The following COL7A1 variants were observed in gnomAD, a reference collection of about 807,000 sequenced individuals.
COL7A1 encodes collagen alpha-1(VII) chain.
In COL7A1, 296 loss-of-function variants were observed where a neutral mutation model predicts 456.2. The observed-to-expected ratio is 0.65, with a 90% CI of 0.59 to 0.71. The LOEUF is 0.71. Among genes scored for constraint, COL7A1 ranks in the 30% least tolerant of loss-of-function variants. The pLI is 0.00. For missense variants in COL7A1, 3,441 were observed against 4,017.2 expected, an observed-to-expected ratio of 0.86 and a Z score of 3.88; for synonymous variants, 1,464 against 1,525.9, an observed-to-expected ratio of 0.96 and a Z score of 0.95.
At position 48,591,931 on chromosome 3, in the gene COL7A1, G is replaced by A. The variant is rs142108058; in HGVS notation, c.1324C>T (p.Arg442Cys). 274 of 1,614,056 alleles carry A rather than the reference G, an allele frequency of 1.7e-4. 1 individual carries two copies. Among genetic ancestry groups the A allele is most frequent in the South Asian group, 4.8e-4 (44 of 91,082 alleles). ...CGCCGCCATTCCAACCGGTAGCCACGGGCCTCAGGCACCAAGTTCCAGGAA... is the reference window on the plus strand; with the variant it reads ...CGCCGCCATTCCAACCGGTAGCCACAGGCCTCAGGCACCAAGTTCCAGGAA... ...LLSWNLVPEA[R>C]GYRLEWRRET... Residue 442 changes from arginine to cysteine, a missense_variant, in exon 11 of 119, where the codon CGT (arginine) becomes TGT (cysteine). Transcript: ENST00000681320. This position sits in a 1 kb window ranked among gnomAD's most constrained non-coding sequence, Gnocchi z 7.0.
At position 48,570,324 on chromosome 3, in the gene COL7A1, C is replaced by G; in HGVS notation, c.7391G>C (p.Gly2464Ala). The G allele has an allele frequency of 6.2e-7, 1 of 1,614,066 alleles. No individual in the cohort carries two copies. The highest frequency in any genetic ancestry group is 8.5e-7 in the Non-Finnish European group (1 of 1,179,976). Residue 2464 changes from glycine to alanine, a missense_variant, in exon 98 of 119, where the codon GGA becomes GCA. This residue lies in a region of COL7A1 where 2,084 missense variants were observed against 2,501.3 expected (regional missense o/e 0.83). Transcript: ENST00000681320. The surrounding 1 kb of genome is among the most constrained non-coding windows in gnomAD (Gnocchi z 5.5). ...SGLKGDKGDP[G>A]VGLPGPRGER... ...GCCTCGGGGCCCAGGCAGCCCTACTCCAGGGTCTCCCTGGAGACCAACAGG... is the reference window on the plus strand; with the variant it reads ...GCCTCGGGGCCCAGGCAGCCCTACTGCAGGGTCTCCCTGGAGACCAACAGG...
At position 48,591,994 on chromosome 3, in the gene COL7A1, G is replaced by A. The variant is rs770443613; in HGVS notation, c.1261C>T (p.Leu421=). The A allele has an allele frequency of 6.2e-7, 1 of 1,614,116 alleles. No individual in the cohort carries two copies. Among genetic ancestry groups the A allele is most frequent in the African/African-American group, 1.3e-5 (1 of 74,946 alleles). ...GTGGGGCCCAGGATGACCGGGCGCAGGGTCTGCTCAACAGAAGCGTCTGCC... is the reference window on the plus strand; with the variant it reads ...GTGGGGCCCAGGATGACCGGGCGCAAGGTCTGCTCAACAGAAGCGTCTGCC... The part of the protein sequence containing the change: ...ARTDASVEQT[L]RPVILGPTSI... The change falls in exon 11 of 119, where the codon CTG becomes TTG. Residue 421 remains leucine, a synonymous_variant. Transcript: ENST00000681320. This position sits in a 1 kb window ranked among gnomAD's most constrained non-coding sequence, Gnocchi z 7.0.
chr3:48,584,171 C>T (rs2045026789), intron 37 of COL7A1, 110 bp from the exon 38 acceptor site: 1 of 1,589,618 alleles, frequency 6.3e-7, no homozygotes, highest in African/African-American at 1.3e-5. Flanking sequence ...TTTGGGAGAA[C>T]TGAGGCGTCA....
At chr3:48,584,678 G>A (rs572504280) in intron 35 of COL7A1, 56 bp downstream of exon 35, 2 of 1,613,346 alleles carry the variant, frequency 1.2e-6, no homozygotes, top group African/African-American at 1.3e-5. Flanking sequence ...TCTGGTGTGG[G>A]GCAGTCCTGC....
Position 48,568,735 on chromosome 3 carries a change from A to G in COL7A1, c.7758+49T>C. On this transcript the variant is annotated intron_variant, in intron 104 of 118. Transcript: ENST00000681320. This position sits in a 1 kb window ranked among gnomAD's most constrained non-coding sequence, Gnocchi z 5.2. ...GACCCCCAGGATATGTGTGTGTGTG[A>G]TGCTGGCTCTGGACCTGGGCCTGGG... 1.9e-6 allele frequency: 3 copies of G among 1,539,936 alleles called. No homozygotes were observed. Among genetic ancestry groups the G allele is most frequent in the Non-Finnish European group, 1.8e-6 (2 of 1,136,606 alleles).
intron 18 of COL7A1, 133 bp from the exon 19 acceptor site, chr3:48,589,128 A>G: frequency 6.5e-7 from 1 of 1,527,500 alleles, no homozygotes; most frequent in South Asian, 1.2e-5. Context: ...CCTGAGGAGG[A>G]GGAGGTCAGT....
rs145200529 is a variant in COL7A1 at position 48,590,709 on chromosome 3, G to A, written c.1744C>T (p.Arg582Cys). 3.0e-5 allele frequency: 49 copies of A among 1,613,884 alleles called. No homozygotes were observed. The highest frequency in any genetic ancestry group is 6.7e-5 in the African/African-American group (5 of 74,910). Residue 582 changes from arginine to cysteine, a missense_variant, in exon 14 of 119, where the codon CGT becomes TGT. Around this residue, in one of 3 missense-constraint regions of COL7A1, gnomAD observed 913 missense variants for 1,088.2 expected, o/e 0.84. Coordinates refer to ENST00000681320, the MANE Select transcript of COL7A1 (RefSeq NM_000094.4). The surrounding 1 kb of genome is among the most constrained non-coding windows in gnomAD (Gnocchi z 4.6). ...GTGAGGACACTGGCACTGCCCTCAC[G>A]GGGACCCACTCGAGCAGACACCCGC... ...TVRVSARVGP[R>C]EGSASVLTVR...
chr3:48,574,700 C>G lies in COL7A1; in HGVS notation c.6370G>C (p.Asp2124His). The G allele has an allele frequency of 1.9e-6, 3 of 1,613,960 alleles. No homozygotes were observed. The East Asian group carries it at 6.7e-5, about 36-fold the overall frequency. Residue 2124 changes from aspartate (D) to histidine (H), a missense_variant, in exon 78 of 119, where the codon GAC becomes CAC. Around this residue, in one of 3 missense-constraint regions of COL7A1, gnomAD observed 2,084 missense variants for 2,501.3 expected, o/e 0.83. Transcript: ENST00000681320. The surrounding 1 kb of genome is among the most constrained non-coding windows in gnomAD (Gnocchi z 5.0). Reference protein sequence around the residue: ...GAKGEPGSNGDQGPKGDRGVP... With the variant: ...GAKGEPGSNGHQGPKGDRGVP... Reference sequence around the variant, plus strand: ...ACCCTGTCTCCTTTGGGACCTTGGTCACCATTGCTGCCCGGCTCCCCCTGT... The same window carrying G: ...ACCCTGTCTCCTTTGGGACCTTGGTGACCATTGCTGCCCGGCTCCCCCTGT...
rs1380537406 is a variant in COL7A1 at position 48,591,087 on chromosome 3, G to A, written c.1637-271C>T. Among the ~76,000 whole-genome samples the A allele has an allele frequency of 1.3e-5, 2 of 152,226 alleles. No individual in the cohort carries two copies. Among genetic ancestry groups the A allele is most frequent in the East Asian group, 1.9e-4 (1 of 5,202 alleles). ...GACAGGAGTCAGTGGACTGCAGTGA[G>A]AACTGATGAGCCATTGACAGACACT... On this transcript the variant is annotated intron_variant, in intron 13 of 118. Transcript: ENST00000681320. The surrounding 1 kb of genome is among the most constrained non-coding windows in gnomAD (Gnocchi z 7.0).
At position 48,587,124 on chromosome 3, in the gene COL7A1, C is replaced by G. The variant is rs757911580; in HGVS notation, c.3140-16G>C. 9.3e-6 allele frequency: 15 copies of G among 1,613,236 alleles called. No individual in the cohort carries two copies. Among genetic ancestry groups the G allele is most frequent in the African/African-American group, 1.3e-5 (1 of 74,892 alleles). ...CGGGGGCACACTGTAGGAAGGGGAACAAGTTACTGAAGCGGGCAGCCCACC... is the reference window on the plus strand; with the variant it reads ...CGGGGGCACACTGTAGGAAGGGGAAGAAGTTACTGAAGCGGGCAGCCCACC... On this transcript the variant is annotated splice_polypyrimidine_tract_variant and intron_variant, in intron 24 of 118. Transcript: ENST00000681320. The surrounding 1 kb of genome is among the most constrained non-coding windows in gnomAD (Gnocchi z 6.1).
At position 48,585,705 on chromosome 3, in the gene COL7A1, G is replaced by A. The variant is rs138190232; in HGVS notation, c.3816C>T (p.Gly1272=). ...GGACACTCACCGGGAGGCCAGGGTC[G>A]CCAGGAGGCCCAACTTGTCCTCTCA... ...MGLRGQVGPP[G]DPGLPGRTGA... is the part of the protein sequence containing the mutation. The change falls in exon 31 of 119, where the codon GGC becomes GGT. Residue 1272 remains glycine, a synonymous_variant. Transcript: ENST00000681320. The surrounding 1 kb of genome is among the most constrained non-coding windows in gnomAD (Gnocchi z 4.5). The A allele has an allele frequency of 1.4e-4, 220 of 1,613,992 alleles. 1 individual carries two copies. The highest frequency in any genetic ancestry group is 1.3e-3 in the Middle Eastern group (8 of 6,062).
In COL7A1 at chr3:48,574,685, C is replaced by G; in HGVS notation, c.6385G>C (p.Gly2129Arg). ...GTGGAGAGAGGCCTCACCCTGTCTC[C>G]TTTGGGACCTTGGTCACCATTGCTG... The part of the protein sequence containing the change: ...PGSNGDQGPK[G>R]DRGVPGIKGD... Residue 2129 changes from glycine (G) to arginine (R), a missense_variant, in exon 78 of 119, where the codon GGA (glycine) becomes CGA (arginine). This residue lies in a region of COL7A1 where 2,084 missense variants were observed against 2,501.3 expected (regional missense o/e 0.83). Coordinates refer to ENST00000681320, the MANE Select transcript of COL7A1 (RefSeq NM_000094.4). The surrounding 1 kb of genome is among the most constrained non-coding windows in gnomAD (Gnocchi z 5.0). The G allele has an allele frequency of 6.2e-7, 1 of 1,613,948 alleles. No homozygotes were observed. The highest frequency in any genetic ancestry group is 8.5e-7 in the Non-Finnish European group (1 of 1,180,004).
Position 48,568,661 on chromosome 3 carries a change from C to A in COL7A1, c.7758+123G>T, listed in dbSNP as rs2043728754. Reference sequence around the variant, plus strand: ...AGGCCACACACAGATCCCGGGTGAACACACATGGGGCCGGCAGCAAGGGAG... The same window carrying A: ...AGGCCACACACAGATCCCGGGTGAAAACACATGGGGCCGGCAGCAAGGGAG... On this transcript the variant is annotated intron_variant, in intron 104 of 118. Transcript: ENST00000681320. This position sits in a 1 kb window ranked among gnomAD's most constrained non-coding sequence, Gnocchi z 5.2. 1.4e-6 allele frequency: 2 copies of A among 1,471,424 alleles called. No individual in the cohort carries two copies. The highest frequency in any genetic ancestry group is 1.4e-5 in the African/African-American group (1 of 71,526). 91.1% of individuals were successfully genotyped at this position (1,471,424 alleles called of 1,614,324 possible).
Position 48,568,094 on chromosome 3 carries a change from A to T in COL7A1, c.7871T>A (p.Leu2624His). 1 of 1,614,164 alleles carries T rather than the reference A, an allele frequency of 6.2e-7. No homozygotes were observed. The highest frequency in any genetic ancestry group is 8.5e-7 in the Non-Finnish European group (1 of 1,180,018). Residue 2624 changes from leucine to histidine, a missense_variant, in exon 106 of 119, where the codon CTC (leucine) becomes CAC (histidine). By Grantham distance (99) the Leu-to-His change is moderately conservative (BLOSUM62 -3). Around this residue, in one of 3 missense-constraint regions of COL7A1, gnomAD observed 2,084 missense variants for 2,501.3 expected, o/e 0.83. Coordinates refer to ENST00000681320, the MANE Select transcript of COL7A1 (RefSeq NM_000094.4). This position sits in a 1 kb window ranked among gnomAD's most constrained non-coding sequence, Gnocchi z 5.2. ...GDVGFMGPRG[L>H]KGERGVKGAC... ...CCAATCTTGTTTCTTTCCTACCTTGAGGCCCCGGGGACCCATGAAGCCAAC... is the reference window on the plus strand; with the variant it reads ...CCAATCTTGTTTCTTTCCTACCTTGTGGCCCCGGGGACCCATGAAGCCAAC...
In COL7A1 at chr3:48,568,008, C is replaced by T; in HGVS notation, c.7875+82G>A. 6.2e-7 allele frequency: 1 copy of T among 1,601,304 alleles called. No individual in the cohort carries two copies. Among genetic ancestry groups the T allele is most frequent in the Non-Finnish European group, 8.6e-7 (1 of 1,168,514 alleles). On this transcript the variant is annotated intron_variant, in intron 106 of 118. Coordinates refer to ENST00000681320, the MANE Select transcript of COL7A1 (RefSeq NM_000094.4). The surrounding 1 kb of genome is among the most constrained non-coding windows in gnomAD (Gnocchi z 5.2). The stretch of plus-strand genomic sequence containing the variant: ...GCTACTCCAACCTCTGACCCAGTGC[C>T]CTAATATCTGACCCCAGGTCCCTCG...
rs1354446919 is a variant in COL7A1, at chr3:48,580,949, T to C, written c.4936-23A>G. On this transcript the variant is annotated intron_variant, in intron 53 of 118. Transcript: ENST00000681320. The surrounding 1 kb of genome is among the most constrained non-coding windows in gnomAD (Gnocchi z 4.5). ...ACCCTGGTGATAGAGAGAAAAGTCA[T>C]ACTGCACAGGGCAGTCAGGATCTAA... is the stretch of plus-strand genomic sequence containing the variant. 2 of 1,613,744 alleles carry C rather than the reference T, an allele frequency of 1.2e-6. No individual in the cohort carries two copies. Among genetic ancestry groups the C allele is most frequent in the East Asian group, 4.5e-5 (2 of 44,880 alleles).
At position 48,585,845 on chromosome 3, in the gene COL7A1, C is replaced by T. The variant is rs778777140; in HGVS notation, c.3771G>A (p.Gly1257=). 11 of 1,614,004 alleles carry T rather than the reference C, an allele frequency of 6.8e-6. No individual in the cohort carries two copies. The highest frequency in any genetic ancestry group is 1.7e-5 in the Admixed American group (1 of 60,012). ...CPVYCPKGQK[G]EPGEMGLRGQ... ...GGGCACTCACCATCTCTCCAGGTTCCCCCTTCTGGCCCTGGGGAAAGACAT... is the reference window on the plus strand; with the variant it reads ...GGGCACTCACCATCTCTCCAGGTTCTCCCTTCTGGCCCTGGGGAAAGACAT... The change falls in exon 30 of 119, where the codon GGG becomes GGA. Residue 1257 remains glycine (G), a synonymous_variant. Transcript: ENST00000681320. This position sits in a 1 kb window ranked among gnomAD's most constrained non-coding sequence, Gnocchi z 4.5.
In COL7A1 at chr3:48,592,672, C is replaced by T. The variant is rs1169388566; in HGVS notation, c.874G>A (p.Val292Met). The T allele has an allele frequency of 6.2e-7, 1 of 1,613,810 alleles. No homozygotes were observed. Among genetic ancestry groups the T allele is most frequent in the Non-Finnish European group, 8.5e-7 (1 of 1,179,970 alleles). ...AGTGGCCGGAGACCCCGCAGCCGCA[C>T]ACTGGTCTCACCAGCTGGGACGTTC... ...EVNVPAGETS[V>M]RLRGLRPLTE... The change falls in exon 8 of 119, where the codon GTG becomes ATG. Residue 292 changes from valine to methionine, a missense_variant. By Grantham distance (21) the Val-to-Met change is conservative. Around this residue, in one of 3 missense-constraint regions of COL7A1, gnomAD observed 913 missense variants for 1,088.2 expected, o/e 0.84. Coordinates refer to ENST00000681320, the MANE Select transcript of COL7A1 (RefSeq NM_000094.4). This position sits in a 1 kb window ranked among gnomAD's most constrained non-coding sequence, Gnocchi z 7.6.
chr3:48,587,370 T>C lies in COL7A1; in HGVS notation c.2993-34A>G. On this transcript the variant is annotated intron_variant, in intron 23 of 118. Coordinates refer to ENST00000681320, the MANE Select transcript of COL7A1 (RefSeq NM_000094.4). This position sits in a 1 kb window ranked among gnomAD's most constrained non-coding sequence, Gnocchi z 6.1. The stretch of plus-strand genomic sequence containing the variant: ...GACAGAACTTGATTAAAAAGCTGTC[T>C]CCACAGAGCCCCAACTGCCAGCCCA... The C allele has an allele frequency of 6.2e-7, 1 of 1,612,676 alleles. No individual in the cohort carries two copies. The highest frequency in any genetic ancestry group is 8.5e-7 in the Non-Finnish European group (1 of 1,179,798).
Sources: gnomAD v4.1 joint callset for allele counts (sites outside exome capture counted in the v4.1 genomes callset) on GRCh38, gnomAD v4.1.1 for gene constraint, gnomAD v4.1.1 regional missense constraint, Gnocchi (gnomAD v3.1) non-coding constraint, MANE v1.5 for transcripts, NCBI Gene and HGNC (gene_info 2026-07-23, HGNC 2026-07-21) for gene names.